The following ZNF264 variants were observed in gnomAD, a reference collection of about 807,000 sequenced individuals.
The protein encoded by ZNF264 is zinc finger protein 264.
Under a neutral mutation model 11.2 loss-of-function variants are expected in ZNF264, and 11 were observed. That is an observed-to-expected ratio of 0.98 (90% CI 0.62 to 1.63). The LOEUF is 1.63. Ranked by LOEUF, ZNF264 falls within the 40% of genes most tolerant of loss-of-function variation. The probability of loss-of-function intolerance (pLI) is 0.00; values close to 1 mark genes in which losing one functional copy is unlikely to be tolerated. For missense variants in ZNF264, 752 were observed against 768.1 expected, an observed-to-expected ratio of 0.98 and a Z score of 0.25; for synonymous variants, 309 against 279.8, an observed-to-expected ratio of 1.10 and a Z score of -1.04.
Position 57,222,366 on chromosome 19 carries a change from A to T in ZNF264, c.*9385A>T, listed in dbSNP as rs2087423707. 7.2e-6 allele frequency: 1 copy of T among 138,100 alleles called. No individual in the cohort carries two copies. Among genetic ancestry groups the T allele is most frequent in the Non-Finnish European group, 1.6e-5 (1 of 63,814 alleles). 8.6% of individuals were successfully genotyped at this position (138,100 alleles called of 1,614,324 possible). The stretch of plus-strand genomic sequence containing the variant: ...TGTCTCAAAAAAAAAAAAAAAAAAA[A>T]AATGCCTCAGTTTTGTTAAGAGGAA... On this transcript the variant is annotated 3_prime_UTR_variant, in exon 4 of 4. Coordinates refer to ENST00000263095, the MANE Select transcript of ZNF264 (RefSeq NM_003417.5).
rs939348281 is a variant in ZNF264, at chr19:57,193,968, A to T, written c.127A>T (p.Met43Leu). The change falls in exon 2 of 4, where the codon ATG becomes TTG. Residue 43 changes from methionine to leucine, a missense_variant. Coordinates refer to ENST00000263095, the MANE Select transcript of ZNF264 (RefSeq NM_003417.5). ...LAQRTLYQEV[M>L]LENCGLLVSL... is the part of the protein sequence containing the mutation. ...TCAGCGGACCCTGTACCAGGAGGTG[A>T]TGCTGGAAAACTGTGGGCTCCTGGT... 1 of 1,613,344 alleles carries T rather than the reference A, an allele frequency of 6.2e-7. No homozygotes were observed. Among genetic ancestry groups the T allele is most frequent in the African/African-American group, 1.3e-5 (1 of 75,000 alleles).
In ZNF264 at chr19:57,217,284, T is replaced by C. The variant is rs934049205; in HGVS notation, c.*4303T>C. 2.0e-5 allele frequency: 3 copies of C among 152,244 alleles called. No individual in the cohort carries two copies. Among genetic ancestry groups the C allele is most frequent in the Non-Finnish European group, 2.9e-5 (2 of 68,046 alleles). The allele number at this position is 152,244 out of a possible 1,614,324, so 9.4% of individuals were successfully genotyped here. ...TATTACAGTGTAAATATATAACTTA[T>C]GACAGTTTAATAAGTTATCAGCAAT... On this transcript the variant is annotated 3_prime_UTR_variant, in exon 4 of 4. Coordinates refer to ENST00000263095, the MANE Select transcript of ZNF264 (RefSeq NM_003417.5).
chr19:57,200,014 A>C (rs149115397), intron 2 of ZNF264, among the ~76,000 whole-genome samples: 2 of 47,294 alleles, frequency 4.2e-5, no homozygotes, highest in Non-Finnish European at 7.9e-5. Flanking sequence ...AAAAAAAAAA[A>C]AGAAAAAATG....
At chr19:57,199,788 A>G (rs2087237664) in intron 2 of ZNF264, among the ~76,000 whole-genome samples, 1 of 151,834 alleles carries the variant, frequency 6.6e-6, no homozygotes, top group South Asian at 2.1e-4. Flanking sequence ...CTAGAAGCAA[A>G]CAAAGGTGTT....
chr19:57,209,831 C>A (rs899867075), intron 3 of ZNF264, among the ~76,000 whole-genome samples: 3 of 151,960 alleles, frequency 2.0e-5, no homozygotes, highest in African/African-American at 7.2e-5. Context: ...CTTCTGGGCT[C>A]GAGTAATCTG....
intron 3 of ZNF264, 97 bp downstream of exon 3, chr19:57,205,589 G>C: frequency 9.2e-7 from 1 of 1,090,876 alleles, no homozygotes; most frequent in South Asian, 1.3e-5. Context: ...TCTCATTGTG[G>C]CCTCTCTCTA....
Position 57,212,677 on chromosome 19 carries a change from T to C in ZNF264, c.1580T>C (p.Ile527Thr). The C allele has an allele frequency of 1.9e-6, 3 of 1,613,962 alleles. No individual in the cohort carries two copies. The highest frequency in any genetic ancestry group is 2.5e-6 in the Non-Finnish European group (3 of 1,179,964). Residue 527 changes from isoleucine to threonine, a missense_variant, in exon 4 of 4, where the codon ATT becomes ACT. Coordinates refer to ENST00000263095, the MANE Select transcript of ZNF264 (RefSeq NM_003417.5). ...GKSFCWSTNLIRHAIIHTGEK... is the reference protein window; with the variant it reads ...GKSFCWSTNLTRHAIIHTGEK... Reference sequence around the variant, plus strand: ...TCGTTTTGCTGGAGCACAAACCTCATTCGACATGCCATTATCCACACTGGA... The same window carrying C: ...TCGTTTTGCTGGAGCACAAACCTCACTCGACATGCCATTATCCACACTGGA...
Position 57,212,683 on chromosome 19 carries a change from A to G in ZNF264, c.1586A>G (p.His529Arg). Residue 529 changes from histidine to arginine, a missense_variant, in exon 4 of 4, where the codon CAT becomes CGT. Coordinates refer to ENST00000263095, the MANE Select transcript of ZNF264 (RefSeq NM_003417.5). ...TGCTGGAGCACAAACCTCATTCGAC[A>G]TGCCATTATCCACACTGGAGAGAAG... ...SFCWSTNLIRHAIIHTGEKPY... is the reference protein window; with the variant it reads ...SFCWSTNLIRRAIIHTGEKPY... 1.2e-6 allele frequency: 2 copies of G among 1,614,146 alleles called. No individual in the cohort carries two copies. The highest frequency in any genetic ancestry group is 1.7e-6 in the Non-Finnish European group (2 of 1,180,024).
Position 57,213,249 on chromosome 19 carries a change from G to A in ZNF264, c.*268G>A, listed in dbSNP as rs571842802. 1.6e-5 allele frequency: 5 copies of A among 314,740 alleles called. No individual in the cohort carries two copies. Among genetic ancestry groups the A allele is most frequent in the South Asian group, 7.9e-5 (1 of 12,586 alleles). 19.5% of individuals were successfully genotyped at this position (314,740 alleles called of 1,614,324 possible). On this transcript the variant is annotated 3_prime_UTR_variant, in exon 4 of 4. Coordinates refer to ENST00000263095, the MANE Select transcript of ZNF264 (RefSeq NM_003417.5). Reference sequence around the variant, plus strand: ...CAGGCTTCTCTGCCAAGCCTATGGCGCTTTGTCATGGATTTCTTAGTGTAT... The same window carrying A: ...CAGGCTTCTCTGCCAAGCCTATGGCACTTTGTCATGGATTTCTTAGTGTAT...
chr19:57,193,380 C>A (rs1285671122), intron 1 of ZNF264: 3 of 415,266 alleles, frequency 7.2e-6, no homozygotes, highest in African/African-American at 6.5e-5. Flanking sequence ...TGTATTGATC[C>A]AGAAATCAAG....
chr19:57,194,950 A>G, intron 2 of ZNF264: 1 of 392,260 alleles, frequency 2.5e-6, no homozygotes. Context: ...AAATGAAATG[A>G]TGTTTTTGAG....
chr19:57,202,188 C>T lies in ZNF264; in HGVS notation c.161-3209C>T, dbSNP rs570076180. On this transcript the variant is annotated intron_variant, in intron 2 of 3. Transcript: ENST00000263095. ...TCACACCACTGCACTCCAGCCTGGG[C>T]GACAGAGTGAGACCCTGTCTCAAAA... Among the ~76,000 whole-genome samples, 7 of 151,744 alleles carry T rather than the reference C, an allele frequency of 4.6e-5. No homozygotes were observed. In the South Asian group the frequency reaches 6.2e-4, roughly 14 times the overall value.
Position 57,211,591 on chromosome 19 carries a change from A to G in ZNF264, c.494A>G (p.Asp165Gly), listed in dbSNP as rs1187481283. 1 of 1,614,002 alleles carries G rather than the reference A, an allele frequency of 6.2e-7. No individual in the cohort carries two copies. The highest frequency in any genetic ancestry group is 2.2e-5 in the East Asian group (1 of 44,888). The stretch of plus-strand genomic sequence containing the variant: ...GAATGTGATGGTTTAGGGACAGCTG[A>G]TGGTGTGTGTTCAAGGATTGGACAG... ...SPECDGLGTADGVCSRIGQEQ... is the reference protein window; with the variant it reads ...SPECDGLGTAGGVCSRIGQEQ... Residue 165 changes from aspartate (D) to glycine (G), a missense_variant, in exon 4 of 4, where the codon GAT (aspartate) becomes GGT (glycine). Coordinates refer to ENST00000263095, the MANE Select transcript of ZNF264 (RefSeq NM_003417.5).
Position 57,213,315 on chromosome 19 carries a change from C to A in ZNF264, c.*334C>A. The A allele has an allele frequency of 4.8e-6, 1 of 206,752 alleles. No individual in the cohort carries two copies. The highest frequency in any genetic ancestry group is 9.9e-6 in the Non-Finnish European group (1 of 100,672). 12.8% of individuals were successfully genotyped at this position (206,752 alleles called of 1,614,324 possible). A position where few individuals can be genotyped will look rare whatever the true frequency, so the allele number is the denominator to read the frequency against. The stretch of plus-strand genomic sequence containing the variant: ...TGTTTCAAGGTAAAGAACCTTGACC[C>A]TTTATGTGCTTGTATGTACATTTAT... On this transcript the variant is annotated 3_prime_UTR_variant, in exon 4 of 4. Coordinates refer to ENST00000263095, the MANE Select transcript of ZNF264 (RefSeq NM_003417.5).
rs2087378922 is a variant in ZNF264 at position 57,216,187 on chromosome 19, A to G, written c.*3206A>G. ...TGGCCAACATGGCAAAACCCTGTCT[A>G]CTAAAAATACAAAAATTAGCCAGGC... On this transcript the variant is annotated 3_prime_UTR_variant, in exon 4 of 4. Transcript: ENST00000263095. The G allele has an allele frequency of 1.3e-5, 2 of 152,252 alleles. No homozygotes were observed. The highest frequency in any genetic ancestry group is 2.9e-5 in the Non-Finnish European group (2 of 68,086). The allele number at this position is 152,252 out of a possible 1,614,324, so 9.4% of individuals were successfully genotyped here. A position where few individuals can be genotyped will look rare whatever the true frequency, so the allele number is the denominator to read the frequency against.
intron 2 of ZNF264, 169 bp downstream of exon 2, chr19:57,194,170 C>CCTG: frequency 1.1e-6 from 1 of 943,944 alleles, no homozygotes; most frequent in Non-Finnish European, 1.5e-6. Context: ...TCTCCTATAT[C>CCTG]TCTGGGCTAA....
rs556023715 is a variant in ZNF264 at position 57,201,178 on chromosome 19, A to C, written c.161-4219A>C. Among the ~76,000 whole-genome samples the C allele has an allele frequency of 1.5e-3, 235 of 152,024 alleles. 7 individuals are homozygous for C. Among genetic ancestry groups the C allele is most frequent in the African/African-American group, 5.5e-3 (227 of 41,312 alleles). On this transcript the variant is annotated intron_variant, in intron 2 of 3. Coordinates refer to ENST00000263095, the MANE Select transcript of ZNF264 (RefSeq NM_003417.5). ...GCATTTGTATGGTACATAAGGTTTAAAAGTTCACTTTCTTTTTTCTGCCCC... is the reference window on the plus strand; with the variant it reads ...GCATTTGTATGGTACATAAGGTTTACAAGTTCACTTTCTTTTTTCTGCCCC...
Position 57,213,963 on chromosome 19 carries a change from T to C in ZNF264, c.*982T>C, listed in dbSNP as rs767700417. On this transcript the variant is annotated 3_prime_UTR_variant, in exon 4 of 4. Coordinates refer to ENST00000263095, the MANE Select transcript of ZNF264 (RefSeq NM_003417.5). ...GAATTTGCATCCTAGGGTGCTTTTT[T>C]GTTTGTGTGTGTGTGTAATTTGAGT... 1 of 152,210 alleles carries C rather than the reference T, an allele frequency of 6.6e-6. No individual in the cohort carries two copies. Among genetic ancestry groups the C allele is most frequent in the Non-Finnish European group, 1.5e-5 (1 of 68,024 alleles). 9.4% of individuals were successfully genotyped at this position (152,210 alleles called of 1,614,324 possible). A position where few individuals can be genotyped will look rare whatever the true frequency, so the allele number is the denominator to read the frequency against.
At position 57,215,364 on chromosome 19, in the gene ZNF264, C is replaced by T. The variant is rs529404681; in HGVS notation, c.*2383C>T. On this transcript the variant is annotated 3_prime_UTR_variant, in exon 4 of 4. Coordinates refer to ENST00000263095, the MANE Select transcript of ZNF264 (RefSeq NM_003417.5). The stretch of plus-strand genomic sequence containing the variant: ...TCTTTTGATAGCAGGATCTGCACTT[C>T]TTTTTATTTTTAATATTTAAAATGT... 5 of 152,224 alleles carry T rather than the reference C, an allele frequency of 3.3e-5. No individual in the cohort carries two copies. In the South Asian group the frequency reaches 1.0e-3, roughly 32 times the overall value. 9.4% of individuals were successfully genotyped at this position (152,224 alleles called of 1,614,324 possible).
Sources: allele counts gnomAD v4.1 joint callset (sites outside exome capture counted in the v4.1 genomes callset), GRCh38; gene constraint gnomAD v4.1.1; transcripts MANE v1.5; gene names NCBI Gene and HGNC (gene_info 2026-07-23, HGNC 2026-07-21).